UNC13C: variants seen among roughly 807,000 people sequenced by gnomAD.
The protein encoded by UNC13C is unc-13 homolog C.
A neutral mutation model predicts 245.4 loss-of-function variants in UNC13C; 174 were observed. That is an observed-to-expected ratio of 0.71 (90% CI 0.63 to 0.80). UNC13C has a LOEUF of 0.80. Among genes scored for constraint, UNC13C ranks in the 30% least tolerant of loss-of-function variants. The probability of loss-of-function intolerance (pLI) is 0.00; values close to 1 mark genes in which losing one functional copy is unlikely to be tolerated. For missense variants in UNC13C, 2,829 were observed against 2,602.9 expected (o/e 1.09, Z -1.89); for synonymous variants, 992 against 895.1 (o/e 1.11, Z -1.93).
chr15:54,375,441 C>G (rs1019344926), intron 17 of UNC13C, among the ~76,000 whole-genome samples: 8 of 152,312 alleles, frequency 5.3e-5, no homozygotes, highest in Non-Finnish European at 1.2e-4. Context: ...CTGTGACTTG[C>G]TTCTAGCCAA....
At chr15:54,035,429 G>A (rs1896537168) in intron 2 of UNC13C, among the ~76,000 whole-genome samples, 1 of 152,050 alleles carries the variant, frequency 6.6e-6, no homozygotes. Flanking sequence ...CTCCAGTGAT[G>A]GTGATGAGAA....
At chr15:53,900,805 C>T in the UNC13C span, among the ~76,000 whole-genome samples, 1 of 152,108 alleles carries the variant, frequency 6.6e-6, no homozygotes, top group African/African-American at 2.4e-5. Context: ...TGTACATTTG[C>T]AATACTGACT....
intron 2 of UNC13C, among the ~76,000 whole-genome samples, chr15:54,141,340 G>C (rs551454059): frequency 6.6e-6 from 1 of 151,792 alleles, no homozygotes; most frequent in African/African-American, 2.4e-5. Context: ...AGTTTGTTTT[G>C]GTTTGTTTTA....
intron 2 of UNC13C, among the ~76,000 whole-genome samples, chr15:54,093,789 C>T (rs1899699830): frequency 6.6e-6 from 1 of 152,190 alleles, no homozygotes; most frequent in African/African-American, 2.4e-5. Context: ...TTTATCAATA[C>T]ATTCTATAAC....
the UNC13C span, among the ~76,000 whole-genome samples, chr15:53,957,846 C>A: frequency 6.6e-6 from 1 of 152,180 alleles, no homozygotes; most frequent in South Asian, 2.1e-4. Flanking sequence ...GCAACAAACA[C>A]CAAATAGTCC....
chr15:54,348,614 G>A (rs62012035), intron 17 of UNC13C, among the ~76,000 whole-genome samples: 5,709 of 152,144 alleles, frequency 0.038, 140 homozygotes, highest in Non-Finnish European at 0.04. Context: ...GTCTAAAGGG[G>A]CAACTTACCT....
chr15:54,413,663 G>A (rs1237374308), intron 18 of UNC13C, among the ~76,000 whole-genome samples: 1 of 152,140 alleles, frequency 6.6e-6, no homozygotes, highest in African/African-American at 2.4e-5. Flanking sequence ...AAAATTGGCA[G>A]TCAGTAAGGG....
chr15:54,195,192 C>G (rs1355385428), intron 4 of UNC13C, among the ~76,000 whole-genome samples: 1 of 151,880 alleles, frequency 6.6e-6, no homozygotes. Flanking sequence ...TGGTTATTCT[C>G]CAGCTGTACC....
the UNC13C span, among the ~76,000 whole-genome samples, chr15:53,925,179 TG>T: frequency 0.044 from 6,688 of 152,314 alleles, 306 homozygotes; most frequent in East Asian, 0.21. Context: ...CTGATGTGAC[TG>T]GGATGTTCAT....
chr15:54,306,967 G>A (rs984802383), intron 13 of UNC13C, among the ~76,000 whole-genome samples: 1 of 151,954 alleles, frequency 6.6e-6, no homozygotes, highest in African/African-American at 2.4e-5. Context: ...ATTTGTTTAA[G>A]AAATATTTAC....
At chr15:54,302,156 A>G (rs1596177756) in intron 13 of UNC13C, among the ~76,000 whole-genome samples, 1 of 152,124 alleles carries the variant, frequency 6.6e-6, no homozygotes, top group Admixed American at 6.5e-5. Context: ...TTTCTTGCAA[A>G]TTTGTTTAAG....
chr15:54,044,841 C>T (rs748281015), intron 2 of UNC13C, among the ~76,000 whole-genome samples: 14 of 151,858 alleles, frequency 9.2e-5, no homozygotes, highest in African/African-American at 1.9e-4. Context: ...GGTGTTTTTC[C>T]GTGTGCTTAT....
chr15:54,342,268 A>ACAC (rs1220730444), intron 17 of UNC13C, among the ~76,000 whole-genome samples: 2 of 152,152 alleles, frequency 1.3e-5, no homozygotes, highest in Non-Finnish European at 2.9e-5. Flanking sequence ...CCTCTTGATG[A>ACAC]CACATCTTTT....
intron 2 of UNC13C, among the ~76,000 whole-genome samples, chr15:54,072,387 A>T (rs972381216): frequency 2.6e-5 from 4 of 152,146 alleles, no homozygotes; most frequent in Admixed American, 6.5e-5. Flanking sequence ...AGGGCAACTG[A>T]ATTTTCCATC....
chr15:54,045,391 A>G (rs1896991930), intron 2 of UNC13C, among the ~76,000 whole-genome samples: 1 of 152,200 alleles, frequency 6.6e-6, no homozygotes, highest in African/African-American at 2.4e-5. Context: ...CTTAAAAGAT[A>G]TTTATTGGTG....
chr15:54,094,196 GCTGT>G (rs1899726946), intron 2 of UNC13C, among the ~76,000 whole-genome samples: 1 of 152,136 alleles, frequency 6.6e-6, no homozygotes, highest in African/African-American at 2.4e-5. Context: ...GAATTGCACT[GCTGT>G]CTGAGACGTC....
the UNC13C span, among the ~76,000 whole-genome samples, chr15:53,883,691 T>C: frequency 1.3e-5 from 2 of 152,232 alleles, no homozygotes; most frequent in African/African-American, 4.8e-5. Context: ...CATTATATAA[T>C]ACGAATGGTT....
At chr15:54,065,755 T>C (rs1445743379) in intron 2 of UNC13C, among the ~76,000 whole-genome samples, 2 of 152,192 alleles carry the variant, frequency 1.3e-5, no homozygotes, top group Admixed American at 6.5e-5. Context: ...GGCCCCAATC[T>C]AACTGCAAGT....
At chr15:54,204,422 G>T (rs781108399) in intron 4 of UNC13C, among the ~76,000 whole-genome samples, 1 of 151,546 alleles carries the variant, frequency 6.6e-6, no homozygotes, top group African/African-American at 2.4e-5. Context: ...AGGGCTGTAG[G>T]CATAAACTAG....
Sources: allele counts gnomAD v4.1 joint callset (sites outside exome capture counted in the v4.1 genomes callset), GRCh38; gene constraint gnomAD v4.1.1; transcripts MANE v1.5; gene names NCBI Gene and HGNC (gene_info 2026-07-23, HGNC 2026-07-21).